SLC24A4: variants seen among roughly 807,000 people sequenced by gnomAD.
SLC24A4 encodes sodium/potassium/calcium exchanger 4.
Under a neutral mutation model 79.0 loss-of-function variants are expected in SLC24A4, and 53 were observed. That is an observed-to-expected ratio of 0.67 (90% CI 0.54 to 0.84). The LOEUF (loss-of-function observed/expected upper bound fraction) is 0.84. Ranked by LOEUF, SLC24A4 falls within the 40% of genes least tolerant of loss-of-function variation. The pLI is 0.00. For synonymous variants in SLC24A4, 323 were observed against 323.8 expected, an observed-to-expected ratio of 1.00 and a Z score of 0.03; for missense variants, 731 against 822.0, an observed-to-expected ratio of 0.89 and a Z score of 1.35.
rs1382759412 is a variant in SLC24A4 at position 92,482,912 on chromosome 14, G to A, written c.1422+66G>A. On this transcript the variant is annotated intron_variant, in intron 13 of 16. Coordinates refer to ENST00000532405, the MANE Select transcript of SLC24A4 (RefSeq NM_153646.4). ...GGGAGAGGTGGAGAGCTGGGTTCAA[G>A]GCTAACCACAGGTACTGCTGTGCCA... 3.3e-6 allele frequency: 5 copies of A among 1,507,866 alleles called. No individual in the cohort carries two copies. In the East Asian group the frequency reaches 1.2e-4, roughly 35 times the overall value. 93.4% of individuals were successfully genotyped at this position (1,507,866 alleles called of 1,614,324 possible). A position where few individuals can be genotyped will look rare whatever the true frequency, so the allele number is the denominator to read the frequency against.
intron 2 of SLC24A4, among the ~76,000 whole-genome samples, chr14:92,355,128 C>T (rs958601185): frequency 6.6e-6 from 1 of 152,126 alleles, no homozygotes; most frequent in Admixed American, 6.5e-5. Flanking sequence ...TGCAATGGGG[C>T]CAGGGGCCCT....
chr14:92,372,212 A>G (rs1888207206), intron 2 of SLC24A4, among the ~76,000 whole-genome samples: 1 of 152,140 alleles, frequency 6.6e-6, no homozygotes, highest in Admixed American at 6.5e-5. Flanking sequence ...GGGGGTTCCA[A>G]TGTGTTTAGG....
At chr14:92,468,265 C>T (rs1894229592) in intron 12 of SLC24A4, among the ~76,000 whole-genome samples, 1 of 152,104 alleles carries the variant, frequency 6.6e-6, no homozygotes, top group Non-Finnish European at 1.5e-5. Context: ...AAATTAAAGA[C>T]AATCAAATAA....
At chr14:92,449,796 C>T (rs1047282305) in intron 10 of SLC24A4, among the ~76,000 whole-genome samples, 1 of 152,244 alleles carries the variant, frequency 6.6e-6, no homozygotes, top group Non-Finnish European at 1.5e-5. Context: ...AGCCCCTTCC[C>T]CTGGGGCAGC....
intron 2 of SLC24A4, among the ~76,000 whole-genome samples, chr14:92,415,840 G>A (rs1890953789): frequency 6.6e-6 from 1 of 151,972 alleles, no homozygotes; most frequent in Admixed American, 6.6e-5. Context: ...TTCTTTAGTG[G>A]TGATTTGTGA....
chr14:92,457,218 CT>C (rs1176802224), intron 12 of SLC24A4: 1 of 156,188 alleles, frequency 6.4e-6, no homozygotes, highest in Non-Finnish European at 1.4e-5. Flanking sequence ...CTGACCTCAG[CT>C]TCTGTTCTTC....
intron 2 of SLC24A4, among the ~76,000 whole-genome samples, chr14:92,418,742 C>T (rs1273062840): frequency 2.6e-5 from 4 of 152,098 alleles, no homozygotes; most frequent in Admixed American, 2.0e-4. Context: ...CACTCTATCC[C>T]CCAGGCTGGA....
chr14:92,325,056 T>A (rs145698472), intron 1 of SLC24A4, among the ~76,000 whole-genome samples: 154 of 152,196 alleles, frequency 1.0e-3, no homozygotes, highest in African/African-American at 3.7e-3. Context: ...TGCTTTGCAA[T>A]TGGGCAAGTC....
rs114270422 is a variant in SLC24A4, at chr14:92,466,738, A to T, written c.1255+10130A>T. ...ACTGGTAAGTAGCAGAGGGACTTCCATGGGCCCTGAAATAATAGGATTCAG... is the reference window on the plus strand; with the variant it reads ...ACTGGTAAGTAGCAGAGGGACTTCCTTGGGCCCTGAAATAATAGGATTCAG... On this transcript the variant is annotated intron_variant, in intron 12 of 16. Coordinates refer to ENST00000532405, the MANE Select transcript of SLC24A4 (RefSeq NM_153646.4). 3.8e-3 allele frequency among the ~76,000 whole-genome samples: 576 copies of T among 152,254 alleles called. 3 individuals are homozygous for T. Among genetic ancestry groups the T allele is most frequent in the African/African-American group, 0.013 (556 of 41,540 alleles).
In SLC24A4 at chr14:92,490,577, G is replaced by T. The variant is rs1895624410; in HGVS notation, c.1538-1088G>T. On this transcript the variant is annotated intron_variant, in intron 14 of 16. Transcript: ENST00000532405. This position sits in a 1 kb window ranked among gnomAD's most constrained non-coding sequence, Gnocchi z 4.3. ...GCCTGGGTCCCAAATATGCTTCAAG[G>T]CTTGGTAAAAAGGATGCTGTACCAG... 6.6e-6 allele frequency among the ~76,000 whole-genome samples: 1 copy of T among 152,180 alleles called. No homozygotes were observed. The highest frequency in any genetic ancestry group is 1.5e-5 in the Non-Finnish European group (1 of 68,036).
intron 2 of SLC24A4, among the ~76,000 whole-genome samples, chr14:92,408,711 AT>A (rs201637180): frequency 6.6e-5 from 10 of 152,174 alleles, no homozygotes; most frequent in South Asian, 4.2e-4. Flanking sequence ...ACAAATGTGG[AT>A]TTTTTTTATT....
rs1894437272 is a variant in SLC24A4 at position 92,471,436 on chromosome 14, T to C, written c.1256-11244T>C. ...CCTACCTGCAAGGAAGCCTAGGAAA[T>C]TAAGATTTTTAGCTGGGAACCTACT... On this transcript the variant is annotated intron_variant, in intron 12 of 16. Coordinates refer to ENST00000532405, the MANE Select transcript of SLC24A4 (RefSeq NM_153646.4). Among the ~76,000 whole-genome samples, 2 of 152,036 alleles carry C rather than the reference T, an allele frequency of 1.3e-5. 1 individual carries two copies. Among genetic ancestry groups the C allele is most frequent in the South Asian group, 4.1e-4 (2 of 4,824 alleles).
intron 2 of SLC24A4, among the ~76,000 whole-genome samples, chr14:92,407,544 T>C (rs1213345151): frequency 6.6e-6 from 1 of 152,114 alleles, no homozygotes; most frequent in Non-Finnish European, 1.5e-5. Context: ...GTTCTGTGGC[T>C]TAACAGGAAG....
intron 2 of SLC24A4, among the ~76,000 whole-genome samples, chr14:92,405,105 C>CT (rs1052223184): frequency 1.1e-4 from 17 of 151,998 alleles, no homozygotes; most frequent in South Asian, 6.2e-4. Context: ...CAAACCCCAA[C>CT]TTTGCTACTT....
At chr14:92,370,501 TTCAC>T (rs71882096) in intron 2 of SLC24A4, among the ~76,000 whole-genome samples, 38,272 of 152,052 alleles carry the variant, frequency 0.25, 6,078 homozygotes, top group East Asian at 0.4. Flanking sequence ...ACTGCATTTA[TTCAC>T]TCACTCATTC....
At position 92,363,345 on chromosome 14, in the gene SLC24A4, G is replaced by A. The variant is rs946567791; in HGVS notation, c.241+37367G>A. ...CAGCCAGAAGTGAATTCACCCCCAT[G>A]CCGTCCCAGGCCAGCCTGTGTGCCA... On this transcript the variant is annotated intron_variant, in intron 2 of 16. Coordinates refer to ENST00000532405, the MANE Select transcript of SLC24A4 (RefSeq NM_153646.4). Among the ~76,000 whole-genome samples the A allele has an allele frequency of 6.6e-5, 10 of 152,232 alleles. No homozygotes were observed. The South Asian group carries it at 1.9e-3, about 28-fold the overall frequency.
chr14:92,361,019 TA>T (rs35424138), intron 2 of SLC24A4, among the ~76,000 whole-genome samples: 4 of 152,300 alleles, frequency 2.6e-5, no homozygotes, highest in South Asian at 4.1e-4. Flanking sequence ...GTTTAATCTT[TA>T]AAAAGGAGAG....
intron 10 of SLC24A4, among the ~76,000 whole-genome samples, chr14:92,449,802 G>A (rs1893033300): frequency 6.6e-6 from 1 of 152,242 alleles, no homozygotes; most frequent in African/African-American, 2.4e-5. Flanking sequence ...TTCCCCTGGG[G>A]CAGCAGCCTC....
At chr14:92,372,678 C>A (rs148479364) in intron 2 of SLC24A4, among the ~76,000 whole-genome samples, 240 of 152,242 alleles carry the variant, frequency 1.6e-3, no homozygotes, top group African/African-American at 5.4e-3. Flanking sequence ...ATCGGAGGAT[C>A]TAGCTCGAGT....
Sources: allele counts gnomAD v4.1 joint callset (sites outside exome capture counted in the v4.1 genomes callset), GRCh38; gene constraint gnomAD v4.1.1; non-coding constraint Gnocchi (gnomAD v3.1); transcripts MANE v1.5; gene names NCBI Gene and HGNC (gene_info 2026-07-23, HGNC 2026-07-21).